The following PRKACB variants were observed in gnomAD, a reference collection of about 807,000 sequenced individuals.
PRKACB encodes the protein cAMP-dependent protein kinase catalytic subunit beta.
In PRKACB, 16 loss-of-function variants were observed where a neutral mutation model predicts 51.4. The observed-to-expected ratio is 0.31, with a 90% CI of 0.21 to 0.47. The LOEUF (loss-of-function observed/expected upper bound fraction) is 0.47. Ranked by LOEUF, PRKACB falls within the 20% of genes least tolerant of loss-of-function variation. PRKACB has a pLI of 1.00. For synonymous variants in PRKACB, 147 were observed against 154.4 expected, an observed-to-expected ratio of 0.95 and a Z score of 0.35; for missense variants, 309 against 464.5, an observed-to-expected ratio of 0.67 and a Z score of 3.08.
chr1:84,103,293 T>C (rs1326709300), intron 1 of PRKACB, among the ~76,000 whole-genome samples: 1 of 152,132 alleles, frequency 6.6e-6, no homozygotes, highest in Non-Finnish European at 1.5e-5. Context: ...GATGTGATGC[T>C]AGATCCGTTA....
chr1:84,183,908 T>C, intron 3 of PRKACB, 129 bp from the exon 4 acceptor site: 1 of 989,494 alleles, frequency 1.0e-6, no homozygotes, highest in Non-Finnish European at 1.4e-6. Flanking sequence ...GTAATTGTTA[T>C]TATCTTCCTT....
At chr1:84,143,677 A>G (rs902035121), upstream of PRKACB, among the ~76,000 whole-genome samples, 2 of 152,214 alleles carry the variant, frequency 1.3e-5, no homozygotes, top group Admixed American at 6.5e-5. Flanking sequence ...GGTAATAGAC[A>G]TATGTCAGCA....
intron 1 of PRKACB, among the ~76,000 whole-genome samples, chr1:84,173,839 A>G (rs1660340038): frequency 6.6e-6 from 1 of 151,842 alleles, no homozygotes; most frequent in Admixed American, 6.6e-5. Flanking sequence ...CAAAAATGAC[A>G]CTATTAAAAA....
chr1:84,113,920 A>G (rs1650429612), intron 1 of PRKACB, among the ~76,000 whole-genome samples: 1 of 152,196 alleles, frequency 6.6e-6, no homozygotes, highest in Non-Finnish European at 1.5e-5. Flanking sequence ...AATTATGGCA[A>G]CCATTTCACA....
At chr1:84,153,588 C>A (rs1655096480) in intron 1 of PRKACB, among the ~76,000 whole-genome samples, 1 of 152,142 alleles carries the variant, frequency 6.6e-6, no homozygotes, top group Non-Finnish European at 1.5e-5. Context: ...ATCCTTCAGC[C>A]CCTGACAACC....
chr1:84,216,312 C>T (rs1159888331), intron 9 of PRKACB, among the ~76,000 whole-genome samples: 1 of 152,064 alleles, frequency 6.6e-6, no homozygotes, highest in Non-Finnish European at 1.5e-5. Context: ...GCACTCCAGC[C>T]TGGGTGACAG....
intron 1 of PRKACB, among the ~76,000 whole-genome samples, chr1:84,101,968 T>A (rs1312967557): frequency 1.3e-5 from 2 of 152,178 alleles, no homozygotes; most frequent in Non-Finnish European, 2.9e-5. Flanking sequence ...TACTATCTCA[T>A]GACTTAAAAA....
intron 1 of PRKACB, among the ~76,000 whole-genome samples, chr1:84,178,529 A>G (rs1483679110): frequency 6.6e-6 from 1 of 152,040 alleles, no homozygotes; most frequent in Non-Finnish European, 1.5e-5. Flanking sequence ...ACTTTAGTGC[A>G]TTTTAAATTG....
upstream of PRKACB, among the ~76,000 whole-genome samples, chr1:84,143,930 A>G (rs1653692720): frequency 6.6e-6 from 1 of 152,136 alleles, no homozygotes; most frequent in Non-Finnish European, 1.5e-5. Flanking sequence ...TTGATTTCCT[A>G]GAAAAAATAC....
intron 1 of PRKACB, among the ~76,000 whole-genome samples, chr1:84,161,142 G>A (rs1488660237): frequency 6.6e-6 from 1 of 151,520 alleles, no homozygotes; most frequent in Non-Finnish European, 1.5e-5. Context: ...TACTGTGGGG[G>A]CTCTTCTGTT....
intron 1 of PRKACB, among the ~76,000 whole-genome samples, chr1:84,091,618 C>T (rs1012701764): frequency 2.0e-5 from 3 of 152,082 alleles, no homozygotes; most frequent in Admixed American, 6.5e-5. Context: ...ATCCCTCCCG[C>T]CTTAGCCTCC....
intron 1 of PRKACB, among the ~76,000 whole-genome samples, chr1:84,078,642 T>G (rs1271636562): frequency 2.0e-5 from 3 of 152,066 alleles, no homozygotes; most frequent in Non-Finnish European, 4.4e-5. Context: ...GAGGAGGACT[T>G]GCACACGTTC....
intron 1 of PRKACB, among the ~76,000 whole-genome samples, chr1:84,168,821 C>G (rs1035727349): frequency 1.3e-5 from 2 of 151,552 alleles, no homozygotes; most frequent in African/African-American, 2.4e-5. Context: ...TATAGTGGGA[C>G]AACCAAGAAT....
chr1:84,099,761 T>TTTGCAAAAATTTAAAGTGATTTCTA lies in PRKACB; in HGVS notation c.46+21398_46+21399insATTTAAAGTGATTTCTATTGCAAAA, dbSNP rs553327186. On this transcript the variant is annotated intron_variant, in intron 1 of 8. Transcript: ENST00000370688. ...CGCAGTTACTTTCAGATTTTTCTCT[T>TTTGCAAAAATTTAAAGTGATTTCTA]TTGCAAAATAGAAATAGTTTCTAGT... Among the ~76,000 whole-genome samples, 244 of 152,276 alleles carry TTTGCAAAAATTTAAAGTGATTTCTA rather than the reference T, an allele frequency of 1.6e-3. 1 individual carries two copies. Among genetic ancestry groups the TTTGCAAAAATTTAAAGTGATTTCTA allele is most frequent in the Non-Finnish European group, 1.8e-3 (123 of 68,010 alleles).
chr1:84,086,328 C>T (rs1647985103), intron 1 of PRKACB: 1 of 769,320 alleles, frequency 1.3e-6, no homozygotes, highest in Non-Finnish European at 2.2e-6. Flanking sequence ...CCCTGGGGCC[C>T]AGGCTCCAGC....
At chr1:84,215,878 T>G (rs1300370057) in intron 9 of PRKACB, among the ~76,000 whole-genome samples, 1 of 152,144 alleles carries the variant, frequency 6.6e-6, no homozygotes, top group South Asian at 2.1e-4. Flanking sequence ...AATTTTTTTC[T>G]TCTTTTTTTT....
intron 8 of PRKACB, among the ~76,000 whole-genome samples, chr1:84,209,677 A>G (rs1291013282): frequency 2.0e-5 from 3 of 152,138 alleles, no homozygotes; most frequent in African/African-American, 7.2e-5. Flanking sequence ...TACTATGCAA[A>G]GTTTCATGAA....
intron 9 of PRKACB, among the ~76,000 whole-genome samples, chr1:84,231,660 G>T (rs1417776038): frequency 4.6e-5 from 7 of 152,192 alleles, no homozygotes; most frequent in African/African-American, 1.7e-4. Context: ...GAGAGTGTAT[G>T]TGTCGAGGAA....
intron 8 of PRKACB, among the ~76,000 whole-genome samples, chr1:84,203,744 A>C (rs1670788775): frequency 1.3e-5 from 2 of 151,976 alleles, no homozygotes; most frequent in African/African-American, 4.8e-5. Context: ...TGATCAGGAA[A>C]TAGAGCATCA....
Sources: allele counts gnomAD v4.1 joint callset (sites outside exome capture counted in the v4.1 genomes callset), GRCh38; gene constraint gnomAD v4.1.1; transcripts MANE v1.5; gene names NCBI Gene and HGNC (gene_info 2026-07-23, HGNC 2026-07-21).